The following PDE3B variants were observed in gnomAD, a reference collection of about 807,000 sequenced individuals.
PDE3B encodes phosphodiesterase 3B.
A neutral mutation model predicts 116.8 loss-of-function variants in PDE3B; 66 were observed. The ratio of observed to expected loss-of-function variants is 0.56; its 90% CI spans 0.46 to 0.69. The LOEUF (loss-of-function observed/expected upper bound fraction) is 0.69. Among genes scored for constraint, PDE3B ranks in the 30% least tolerant of loss-of-function variants. PDE3B has a pLI of 0.00. For missense variants in PDE3B, 1,384 were observed against 1,368.1 expected, an observed-to-expected ratio of 1.01 and a Z score of -0.18; for synonymous variants, 595 against 533.6, an observed-to-expected ratio of 1.12 and a Z score of -1.59.
chr11:14,684,053 A>G (rs903199597), intron 1 of PDE3B, among the ~76,000 whole-genome samples: 7 of 152,204 alleles, frequency 4.6e-5, no homozygotes, highest in Non-Finnish European at 8.8e-5. Flanking sequence ...AATTCTCTGC[A>G]TATATTTGAT....
chr11:14,755,358 A>G (rs1258924802), intron 1 of PDE3B, among the ~76,000 whole-genome samples: 1 of 152,232 alleles, frequency 6.6e-6, no homozygotes, highest in Non-Finnish European at 1.5e-5. Context: ...TGTGCAATCA[A>G]GGAACTTCCA....
At position 14,746,223 on chromosome 11, in the gene PDE3B, GTC is replaced by G. The variant is rs112272221; in HGVS notation, c.979-25710_979-25709del. ...AGCCTGGCCAACATGGTGAAACCCT[GTC>G]TCTACTAAAAATACAAAAATTAGCT... On this transcript the variant is annotated intron_variant, in intron 1 of 15. Coordinates refer to ENST00000282096, the MANE Select transcript of PDE3B (RefSeq NM_000922.4). Among the ~76,000 whole-genome samples, 876 of 152,188 alleles carry G rather than the reference GTC, an allele frequency of 5.8e-3. 10 individuals carry two copies. The highest frequency in any genetic ancestry group is 0.02 in the African/African-American group (847 of 41,516).
At chr11:14,896,902 A>T in the PDE3B span, among the ~76,000 whole-genome samples, 890 of 152,380 alleles carry the variant, frequency 5.8e-3, 49 homozygotes, top group East Asian at 0.13. Context: ...CTAACAGTAG[A>T]TTGAATTGTT....
At chr11:14,878,558 A>G in the PDE3B span, among the ~76,000 whole-genome samples, 4 of 152,124 alleles carry the variant, frequency 2.6e-5, no homozygotes. Context: ...CTATGCTGCA[A>G]CAGAGCCTAA....
At chr11:14,673,134 T>C (rs1471214944) in intron 1 of PDE3B, among the ~76,000 whole-genome samples, 1 of 151,892 alleles carries the variant, frequency 6.6e-6, no homozygotes, top group Non-Finnish European at 1.5e-5. Flanking sequence ...CATGGATGAC[T>C]TGCAAAGGAT....
chr11:14,667,704 T>G (rs1311478085), intron 1 of PDE3B, among the ~76,000 whole-genome samples: 79 of 132,034 alleles, frequency 6.0e-4, no homozygotes, highest in Middle Eastern at 8.5e-3. Flanking sequence ...TGGGGGAGGG[T>G]GGAGGGATAG....
At chr11:14,864,621 A>T (rs782622634) in intron 14 of PDE3B, among the ~76,000 whole-genome samples, 2 of 152,232 alleles carry the variant, frequency 1.3e-5, no homozygotes, top group Non-Finnish European at 2.9e-5. Flanking sequence ...AGTGCAATCA[A>T]ATTAGAACTC....
chr11:14,849,871 C>T (rs370756490), intron 12 of PDE3B, among the ~76,000 whole-genome samples: 4 of 151,172 alleles, frequency 2.6e-5, no homozygotes, highest in Non-Finnish European at 4.4e-5. Context: ...GAAATAGGAA[C>T]ACTTTTACAC....
intron 1 of PDE3B, among the ~76,000 whole-genome samples, chr11:14,701,096 A>G (rs1444003102): frequency 6.6e-6 from 1 of 151,720 alleles, no homozygotes; most frequent in East Asian, 1.9e-4. Context: ...TGTAAAACAT[A>G]TAGCGCTTAA....
At chr11:14,813,398 C>G (rs765924432) in intron 5 of PDE3B, among the ~76,000 whole-genome samples, 2 of 152,180 alleles carry the variant, frequency 1.3e-5, no homozygotes, top group Admixed American at 6.5e-5. Flanking sequence ...CCCATGGCCC[C>G]ATTACTCCAT....
chr11:14,873,692 G>A (rs1848165390), downstream of PDE3B, among the ~76,000 whole-genome samples: 1 of 152,126 alleles, frequency 6.6e-6, no homozygotes, highest in Admixed American at 6.6e-5. Context: ...AAGTGATAGG[G>A]GCTACAAGTA....
rs760407051 is a variant in PDE3B, at chr11:14,645,020, G to A, written c.945G>A (p.Arg315=). Residue 315 remains arginine (R), a synonymous_variant, in exon 1 of 16, where the codon AGG becomes AGA. Transcript: ENST00000282096. ...ACTATGGCAGTTGCAAAATATTCAG[G>A]AGACCGTCGTTGCCTTGTATTTCCA... The part of the protein sequence containing the change: ...ASYYGSCKIF[R]RPSLPCISRE... 8.7e-6 allele frequency: 14 copies of A among 1,612,436 alleles called. No homozygotes were observed. The South Asian group carries it at 1.3e-4, about 15-fold the overall frequency.
chr11:14,783,160 G>T (rs1858079309), intron 2 of PDE3B, among the ~76,000 whole-genome samples: 1 of 152,200 alleles, frequency 6.6e-6, no homozygotes, highest in African/African-American at 2.4e-5. Context: ...CACTGTTGGT[G>T]GGACTGTAAA....
intron 1 of PDE3B, among the ~76,000 whole-genome samples, chr11:14,661,813 C>G (rs887462424): frequency 2.6e-5 from 4 of 152,208 alleles, no homozygotes; most frequent in African/African-American, 9.6e-5. Flanking sequence ...TAAGCTCGAA[C>G]TGGGTGGAAC....
chr11:14,751,860 G>A (rs1378031058), intron 1 of PDE3B, among the ~76,000 whole-genome samples: 1 of 152,198 alleles, frequency 6.6e-6, no homozygotes, highest in Non-Finnish European at 1.5e-5. Context: ...ACCTGGGAAA[G>A]TTAACTCACC....
intron 1 of PDE3B, among the ~76,000 whole-genome samples, chr11:14,749,215 CT>C (rs1160668178): frequency 3.3e-5 from 5 of 151,552 alleles, no homozygotes; most frequent in Admixed American, 6.6e-5. Context: ...TTGTATAAAA[CT>C]TTTTTTTTAA....
At position 14,666,127 on chromosome 11, in the gene PDE3B, C is replaced by A. The variant is rs1394841571; in HGVS notation, c.978+21074C>A. ...AGAACAGAGCCCTCAGAAATAACGC[C>A]GCATATCTACAACTATCTGATCTTT... On this transcript the variant is annotated intron_variant, in intron 1 of 15. Coordinates refer to ENST00000282096, the MANE Select transcript of PDE3B (RefSeq NM_000922.4). Among the ~76,000 whole-genome samples, 12 of 146,390 alleles carry A rather than the reference C, an allele frequency of 8.2e-5. No individual in the cohort carries two copies. In the East Asian group the frequency reaches 2.4e-3, roughly 30 times the overall value.
chr11:14,705,806 A>G (rs1288604097), intron 1 of PDE3B, among the ~76,000 whole-genome samples: 1 of 151,770 alleles, frequency 6.6e-6, no homozygotes, highest in East Asian at 1.9e-4. Flanking sequence ...CAAATAAAAT[A>G]TTTTAACCTT....
At chr11:14,769,221 G>T (rs1353419050) in intron 1 of PDE3B, among the ~76,000 whole-genome samples, 1 of 151,368 alleles carries the variant, frequency 6.6e-6, no homozygotes, top group Non-Finnish European at 1.5e-5. Context: ...GAGATGGTCT[G>T]TAATATTGTA....
Sources: allele counts gnomAD v4.1 joint callset (sites outside exome capture counted in the v4.1 genomes callset), GRCh38; gene constraint gnomAD v4.1.1; transcripts MANE v1.5; gene names NCBI Gene and HGNC (gene_info 2026-07-23, HGNC 2026-07-21).